WFDC1: variants seen among roughly 807,000 people sequenced by gnomAD.
WFDC1 encodes WAP four-disulfide core domain protein 1.
A neutral mutation model predicts 32.9 loss-of-function variants in WFDC1; 39 were observed. The observed-to-expected ratio is 1.19, with a 90% CI of 0.92 to 1.55. The LOEUF is 1.55. Among genes scored for constraint, WFDC1 ranks in the 40% most tolerant of loss-of-function variants. The pLI is 0.00. For synonymous variants in WFDC1, 184 were observed against 137.4 expected, an observed-to-expected ratio of 1.34 and a Z score of -2.37; for missense variants, 386 against 309.5, an observed-to-expected ratio of 1.25 and a Z score of -1.85.
intron 1 of WFDC1, among the ~76,000 whole-genome samples, chr16:84,304,772 C>T (rs1470575511): frequency 6.6e-6 from 1 of 152,118 alleles, no homozygotes; most frequent in East Asian, 1.9e-4. Flanking sequence ...ATCTGAGAGG[C>T]AACATAAGCT....
chr16:84,320,678 G>A (rs1908254421), intron 4 of WFDC1, among the ~76,000 whole-genome samples: 1 of 152,222 alleles, frequency 6.6e-6, no homozygotes, highest in African/African-American at 2.4e-5. Flanking sequence ...TGGGACTTCA[G>A]GGTGGCCAGG....
chr16:84,321,121 G>C (rs1908280213), intron 4 of WFDC1, among the ~76,000 whole-genome samples: 1 of 152,202 alleles, frequency 6.6e-6, no homozygotes, highest in Non-Finnish European at 1.5e-5. Context: ...CAGATAGCCT[G>C]GGCTGCCACA....
intron 5 of WFDC1, chr16:84,326,665 G>T: frequency 1.8e-6 from 1 of 553,040 alleles, no homozygotes; most frequent in Non-Finnish European, 3.3e-6. Context: ...GAGGTGGTGG[G>T]AGGTAAGACC....
chr16:84,315,146 C>T (rs1026354895), intron 2 of WFDC1, among the ~76,000 whole-genome samples: 2 of 152,228 alleles, frequency 1.3e-5, no homozygotes, highest in Non-Finnish European at 2.9e-5. Context: ...CCTGTACCCA[C>T]GTGTGGGGTC....
At chr16:84,314,407 AGGGTGAT>A (rs1297130305) in intron 2 of WFDC1, among the ~76,000 whole-genome samples, 1 of 152,154 alleles carries the variant, frequency 6.6e-6, no homozygotes, top group Non-Finnish European at 1.5e-5. Flanking sequence ...GGCTCTGCTC[AGGGTGAT>A]AACAACAGCT....
intron 1 of WFDC1, among the ~76,000 whole-genome samples, chr16:84,312,595 T>A (rs1907696600): frequency 6.6e-6 from 1 of 152,166 alleles, no homozygotes; most frequent in South Asian, 2.1e-4. Context: ...TGTGTACGTA[T>A]ATGTATACAT....
intron 1 of WFDC1, among the ~76,000 whole-genome samples, chr16:84,310,882 C>T (rs1373725823): frequency 6.6e-6 from 1 of 152,114 alleles, no homozygotes; most frequent in African/African-American, 2.4e-5. Flanking sequence ...ATGTACTGGG[C>T]CAGCACAAGG....
Position 84,318,323 on chromosome 16 carries a change from G to C in WFDC1, c.389G>C (p.Trp130Ser). 1.2e-6 allele frequency: 2 copies of C among 1,614,136 alleles called. No homozygotes were observed. Among genetic ancestry groups the C allele is most frequent in the Non-Finnish European group, 1.7e-6 (2 of 1,180,008 alleles). Residue 130 changes from tryptophan to serine, a missense_variant, in exon 3 of 7, where the codon TGG becomes TCG. Transcript: ENST00000219454. Reference sequence around the variant, plus strand: ...CCTCGATGGCTTGGTGGCAATGGCTGGCTCCTGGATGGCCCTGAGGAGGTG... The same window carrying C: ...CCTCGATGGCTTGGTGGCAATGGCTCGCTCCTGGATGGCCCTGAGGAGGTG... ...PKPRWLGGNGWLLDGPEEVLQ... is the reference protein window; with the variant it reads ...PKPRWLGGNGSLLDGPEEVLQ...
chr16:84,318,523 G>T (rs1259970039), intron 3 of WFDC1, 168 bp downstream of exon 3: 2 of 637,376 alleles, frequency 3.1e-6, no homozygotes, highest in East Asian at 2.9e-5. Flanking sequence ...AGGGCTGATG[G>T]CTGGGGGCTT....
chr16:84,306,584 A>T (rs1274839525), intron 1 of WFDC1, among the ~76,000 whole-genome samples: 1 of 152,214 alleles, frequency 6.6e-6, no homozygotes. Flanking sequence ...TAGGAGTGTG[A>T]TGATGCTTGC....
At chr16:84,308,923 GCCATCCTGGGTGTAGACA>G (rs976589204) in intron 1 of WFDC1, among the ~76,000 whole-genome samples, 27 of 152,054 alleles carry the variant, frequency 1.8e-4, no homozygotes, top group African/African-American at 6.5e-4. Context: ...GGGCATAGAT[GCCATCCTGGGTGTAGACA>G]CCATCCTGGG....
chr16:84,298,973 G>A (rs1906771087), intron 1 of WFDC1, among the ~76,000 whole-genome samples: 1 of 152,144 alleles, frequency 6.6e-6, no homozygotes. Flanking sequence ...GCTTTGCAGG[G>A]CTCAGTAAAA....
intron 6 of WFDC1, chr16:84,327,236 G>A (rs767590592): frequency 8.2e-5 from 31 of 376,658 alleles, no homozygotes; most frequent in Non-Finnish European, 1.4e-4. Flanking sequence ...TGTCACCCAG[G>A]CTGGAGTGCA....
intron 4 of WFDC1, among the ~76,000 whole-genome samples, chr16:84,323,812 C>T (rs138017403): frequency 7.0e-4 from 106 of 152,272 alleles, no homozygotes; most frequent in African/African-American, 2.5e-3. Context: ...ATTTGGCTTC[C>T]AGTTCATCTG....
intron 1 of WFDC1, among the ~76,000 whole-genome samples, chr16:84,311,006 GT>G (rs1233593347): frequency 1.3e-5 from 2 of 152,124 alleles, no homozygotes; most frequent in East Asian, 1.9e-4. Flanking sequence ...AGCCAGGGTG[GT>G]TTTTTTCCAA....
chr16:84,300,350 A>G (rs1371719922), intron 1 of WFDC1, among the ~76,000 whole-genome samples: 3 of 152,228 alleles, frequency 2.0e-5, no homozygotes, highest in African/African-American at 7.2e-5. Context: ...TCCAAGGTCC[A>G]CTGGGTTTGA....
chr16:84,329,373 G>A lies in WFDC1; in HGVS notation c.*67G>A, dbSNP rs1297171413. The A allele has an allele frequency of 6.6e-6, 1 of 151,968 alleles. No individual in the cohort carries two copies. Among genetic ancestry groups the A allele is most frequent in the African/African-American group, 2.4e-5 (1 of 41,178 alleles). 9.4% of individuals were successfully genotyped at this position (151,968 alleles called of 1,614,324 possible). ...TTCTGCTAAGCCTTGGAAACAGTTGGGAAAAGTAGTTTGACCCTCACAGTT... is the reference window on the plus strand; with the variant it reads ...TTCTGCTAAGCCTTGGAAACAGTTGAGAAAAGTAGTTTGACCCTCACAGTT... On this transcript the variant is annotated 3_prime_UTR_variant, in exon 7 of 7. Coordinates refer to ENST00000219454, the MANE Select transcript of WFDC1 (RefSeq NM_021197.4).
At chr16:84,314,703 G>A (rs984890060) in intron 2 of WFDC1, among the ~76,000 whole-genome samples, 15 of 152,328 alleles carry the variant, frequency 9.8e-5, no homozygotes, top group African/African-American at 3.6e-4. Flanking sequence ...GCTGCTCCAG[G>A]CCAGGCAGCC....
intron 2 of WFDC1, among the ~76,000 whole-genome samples, chr16:84,314,228 T>C (rs1416066543): frequency 1.3e-5 from 2 of 152,110 alleles, no homozygotes; most frequent in Non-Finnish European, 2.9e-5. Context: ...GAGTTTCAGA[T>C]CCCTTTTGAA....
Sources: gnomAD v4.1 joint callset for allele counts (sites outside exome capture counted in the v4.1 genomes callset) on GRCh38, gnomAD v4.1.1 for gene constraint, MANE v1.5 for transcripts, NCBI Gene and HGNC (gene_info 2026-07-23, HGNC 2026-07-21) for gene names.